PSMD10: variants seen among roughly 807,000 people sequenced by gnomAD.
PSMD10 encodes the protein 26S proteasome non-ATPase regulatory subunit 10.
In PSMD10, 2 loss-of-function variants were observed where a neutral mutation model predicts 13.2. The observed-to-expected ratio is 0.15, with a 90% CI of 0.06 to 0.48. The LOEUF is 0.48. Among genes scored for constraint, PSMD10 ranks in the 20% least tolerant of loss-of-function variants. PSMD10 has a pLI of 0.97. For synonymous variants in PSMD10, 66 were observed against 64.4 expected (o/e 1.03, Z -0.12); for missense variants, 120 against 167.4 (o/e 0.72, Z 1.56).
chrX:108,091,540 C>T lies in PSMD10; in HGVS notation c.-20G>A. 1 of 1,196,040 alleles carries T rather than the reference C, an allele frequency of 8.4e-7. No individual in the cohort carries two copies. Among genetic ancestry groups the T allele is most frequent in the Non-Finnish European group, 1.1e-6 (1 of 880,607 alleles). ...CTCCATTTCGCTGTCCCAGCAACTA[C>T]TTGTCGCGCGAGCAACGCCCGCCTC... On this transcript the variant is annotated 5_prime_UTR_variant, in exon 1 of 5. Transcript: ENST00000217958.
chrX:108,090,210 C>G (rs986251244), intron 1 of PSMD10, among the ~76,000 whole-genome samples: 1 of 112,141 alleles, frequency 8.9e-6, no homozygotes, highest in African/African-American at 3.2e-5. Flanking sequence ...TTAACACTAA[C>G]TCCTTTAGAA....
At position 108,087,826 on chromosome X, in the gene PSMD10, C is replaced by T; in HGVS notation, c.387G>A (p.Gly129=). ...HEIAVMLLEG[G]ANPDAKDHYE... ...AATGGTCCTTAGCATCTGGATTAGC[C>T]CCGCCTTCCAGTAACATGACAGCGA... The change falls in exon 4 of 5, where the codon GGG becomes GGA. Residue 129 remains glycine, a synonymous_variant. Coordinates refer to ENST00000217958, the MANE Select transcript of PSMD10 (RefSeq NM_002814.4). 8.3e-7 allele frequency: 1 copy of T among 1,211,376 alleles called. No homozygotes were observed.
rs1430111511 is a variant in PSMD10, at chrX:108,084,789, C to A, written c.*185G>T. 1.7e-5 allele frequency: 7 copies of A among 417,380 alleles called. No individual in the cohort carries two copies. Among genetic ancestry groups the A allele is most frequent in the Non-Finnish European group, 2.8e-5 (7 of 253,748 alleles). 34.4% of individuals were successfully genotyped at this position (417,380 alleles called of 1,213,427 possible). A position where few individuals can be genotyped will look rare whatever the true frequency, so the allele number is the denominator to read the frequency against. ...GAACAATCTCAACAGTTATTCGATG[C>A]CTGGAAAACAAGCTGTAAGCTTCGA... On this transcript the variant is annotated 3_prime_UTR_variant, in exon 5 of 5. Transcript: ENST00000217958.
chrX:108,086,514 T>C (rs181986830), intron 4 of PSMD10, among the ~76,000 whole-genome samples: 29 of 111,555 alleles, frequency 2.6e-4, no homozygotes, highest in Non-Finnish European at 7.5e-5. Context: ...TCAACTAACA[T>C]TGCAGAAAAT....
intron 4 of PSMD10, 74 bp downstream of exon 4, chrX:108,087,612 G>T (rs59547029): frequency 0.38 from 432,014 of 1,123,207 alleles, 61,730 homozygotes; most frequent in Non-Finnish European, 0.41. Context: ...AATAAAAAAA[G>T]AAATGATGTA....
Position 108,088,165 on chromosome X carries a change from G to A in PSMD10, c.214-66C>T, listed in dbSNP as rs929856553. The stretch of plus-strand genomic sequence containing the variant: ...GCACAAGGATTAGTGCTAACATTTA[G>A]GAAGGGTTAGCAAGGAGCTTTACAA... On this transcript the variant is annotated intron_variant, in intron 2 of 4. Coordinates refer to ENST00000217958, the MANE Select transcript of PSMD10 (RefSeq NM_002814.4). The A allele has an allele frequency of 9.3e-6, 10 of 1,070,775 alleles. No individual in the cohort carries two copies. In the African/African-American group the frequency reaches 1.3e-4, roughly 14 times the overall value. The allele number at this position is 1,070,775 out of a possible 1,213,427, so 88.2% of individuals were successfully genotyped here. A position where few individuals can be genotyped will look rare whatever the true frequency, so the allele number is the denominator to read the frequency against.
chrX:108,088,615 A>T, intron 2 of PSMD10, 137 bp downstream of exon 2: 1 of 473,965 alleles, frequency 2.1e-6, no homozygotes, highest in South Asian at 4.0e-5. Context: ...GCTTGATCAC[A>T]AGGGCCATGA....
chrX:108,090,848 T>G (rs759846471), intron 1 of PSMD10, among the ~76,000 whole-genome samples: 41 of 112,830 alleles, frequency 3.6e-4, no homozygotes, highest in Admixed American at 3.3e-3. Flanking sequence ...TAACCTTCCC[T>G]TCTTTGCAAA....
At position 108,084,701 on chromosome X, in the gene PSMD10, G is replaced by A. The variant is rs2031475266; in HGVS notation, c.*273C>T. ...GGGAGGGTGCTGAAGACTCACAACA[G>A]CCACAGAATTAGTTACTCCAAATTA... On this transcript the variant is annotated 3_prime_UTR_variant, in exon 5 of 5. Coordinates refer to ENST00000217958, the MANE Select transcript of PSMD10 (RefSeq NM_002814.4). 1 of 222,573 alleles carries A rather than the reference G, an allele frequency of 4.5e-6. No homozygotes were observed. The highest frequency in any genetic ancestry group is 2.9e-5 in the African/African-American group (1 of 34,378). The allele number at this position is 222,573 out of a possible 1,213,427, so 18.3% of individuals were successfully genotyped here.
chrX:108,085,253 A>G (rs2031482840), intron 4 of PSMD10, 126 bp from the exon 5 acceptor site: 3 of 728,319 alleles, frequency 4.1e-6, no homozygotes, highest in Non-Finnish European at 5.7e-6. Context: ...TTATTTAATC[A>G]GGAAAGAAAC....
At chrX:108,085,632 C>T (rs1173899301) in intron 4 of PSMD10, among the ~76,000 whole-genome samples, 10 of 111,867 alleles carry the variant, frequency 8.9e-5, no homozygotes, top group Admixed American at 6.6e-4. Context: ...AAAGTTCCTA[C>T]CTATGCTGAC....
intron 2 of PSMD10, 49 bp from the exon 3 acceptor site, chrX:108,088,148 ATTAGTGCTAACAT>A: frequency 8.9e-7 from 1 of 1,126,137 alleles, no homozygotes. Flanking sequence ...AGGCACAAGG[ATTAGTGCTAACAT>A]TTAGGAAGGG....
chrX:108,086,812 T>C (rs1243744909), intron 4 of PSMD10, among the ~76,000 whole-genome samples: 3 of 112,134 alleles, frequency 2.7e-5, no homozygotes, highest in Non-Finnish European at 5.6e-5. Flanking sequence ...TGGAAGCAAT[T>C]TGGCAACATA....
chrX:108,090,179 C>T (rs754090276), intron 1 of PSMD10, among the ~76,000 whole-genome samples: 1 of 112,128 alleles, frequency 8.9e-6, no homozygotes, highest in Non-Finnish European at 1.9e-5. Flanking sequence ...AACTATGAGA[C>T]CATTATTACA....
At chrX:108,089,098 G>A (rs1233680952) in intron 1 of PSMD10, among the ~76,000 whole-genome samples, 2 of 112,475 alleles carry the variant, frequency 1.8e-5, no homozygotes, top group East Asian at 5.5e-4. Context: ...AGTAGAGCAA[G>A]AAACTGATTT....
rs776058850 is a variant in PSMD10 at position 108,088,891 on chromosome X, G to A, written c.115-41C>T. The A allele has an allele frequency of 5.0e-6, 5 of 1,000,162 alleles. No individual in the cohort carries two copies. The Admixed American group carries it at 8.4e-5, about 17-fold the overall frequency. 82.4% of individuals were successfully genotyped at this position (1,000,162 alleles called of 1,213,427 possible). ...AATAGAAACATTCTTGAAATAGAAG[G>A]CAAAAAAGCAAGAAAAAAAATACTG... On this transcript the variant is annotated intron_variant, in intron 1 of 4. Coordinates refer to ENST00000217958, the MANE Select transcript of PSMD10 (RefSeq NM_002814.4).
intron 1 of PSMD10, among the ~76,000 whole-genome samples, chrX:108,089,436 T>C (rs1002425451): frequency 8.9e-6 from 1 of 112,338 alleles, no homozygotes; most frequent in Non-Finnish European, 1.9e-5. Context: ...GAAATGTTCA[T>C]TAAACTAGTT....
intron 1 of PSMD10, 84 bp downstream of exon 1, chrX:108,091,323 G>C: frequency 2.2e-6 from 2 of 901,924 alleles, no homozygotes; most frequent in South Asian, 2.0e-5. Context: ...CTCAGAAACG[G>C]GGCCTCCGCT....
chrX:108,088,669 T>C, intron 2 of PSMD10, 83 bp downstream of exon 2: 1 of 773,618 alleles, frequency 1.3e-6, no homozygotes, highest in Non-Finnish European at 1.9e-6. Context: ...TTTATAAGCT[T>C]AATGCACAGG....
Sources: gnomAD v4.1 joint callset for allele counts (sites outside exome capture counted in the v4.1 genomes callset) on GRCh38, gnomAD v4.1.1 for gene constraint, MANE v1.5 for transcripts, NCBI Gene and HGNC (gene_info 2026-07-23, HGNC 2026-07-21) for gene names.